The following SHC4 variants were observed in gnomAD, a reference collection of about 807,000 sequenced individuals.
The protein encoded by SHC4 is SHC adaptor protein 4.
A neutral mutation model predicts 69.4 loss-of-function variants in SHC4; 41 were observed. That is an observed-to-expected ratio of 0.59 (90% CI 0.46 to 0.77). SHC4 has a LOEUF of 0.77. Ranked by LOEUF, SHC4 falls within the 30% of genes least tolerant of loss-of-function variation. The pLI is 0.00. For synonymous variants in SHC4, 318 were observed against 299.3 expected (o/e 1.06, Z -0.64); for missense variants, 777 against 783.8 (o/e 0.99, Z 0.10).
intron 4 of SHC4, among the ~76,000 whole-genome samples, chr15:48,874,024 C>A (rs918694181): frequency 2.6e-5 from 4 of 152,020 alleles, no homozygotes; most frequent in African/African-American, 9.7e-5. Flanking sequence ...AATAAATGTG[C>A]AAGAACAGCT....
chr15:48,859,982 T>C (rs1328253520), intron 6 of SHC4, among the ~76,000 whole-genome samples: 1 of 152,010 alleles, frequency 6.6e-6, no homozygotes, highest in East Asian at 1.9e-4. Flanking sequence ...TCTAGTGTAC[T>C]GTGATCACAC....
chr15:48,847,016 C>T (rs1899106674), intron 9 of SHC4, among the ~76,000 whole-genome samples: 3 of 150,148 alleles, frequency 2.0e-5, no homozygotes, highest in Admixed American at 1.3e-4. Context: ...AGGAAACTGC[C>T]ATCCCCTTTT....
chr15:48,924,015 C>T (rs1000407140), intron 2 of SHC4, among the ~76,000 whole-genome samples: 1 of 152,034 alleles, frequency 6.6e-6, no homozygotes, highest in Non-Finnish European at 1.5e-5. Context: ...CATTTTTTGA[C>T]CACAGGATAC....
Position 48,962,629 on chromosome 15 carries a change from G to T in SHC4, c.387C>A (p.Gly129=), listed in dbSNP as rs764305228. 1 of 1,614,190 alleles carries T rather than the reference G, an allele frequency of 6.2e-7. No homozygotes were observed. The highest frequency in any genetic ancestry group is 1.7e-5 in the Admixed American group (1 of 60,022). ...LQESRDPGSS[G]PSSPETSLSR... is the part of the protein sequence containing the mutation. ...TTAAACTGGTTTCTGGGGAAGAGGG[G>T]CCGCTGGAACCTGGGTCCCGGCTTT... Residue 129 remains glycine, a synonymous_variant, in exon 1 of 12, where the codon GGC becomes GGA. Transcript: ENST00000332408.
chr15:48,832,014 TA>T (rs1378618089), intron 11 of SHC4, among the ~76,000 whole-genome samples: 1 of 152,242 alleles, frequency 6.6e-6, no homozygotes, highest in African/African-American at 2.4e-5. Flanking sequence ...CTCACGCCTA[TA>T]ATCCCAGCAC....
intron 11 of SHC4, among the ~76,000 whole-genome samples, 163 bp downstream of exon 11, chr15:48,834,606 C>A (rs561153423): frequency 1.3e-5 from 2 of 152,192 alleles, no homozygotes; most frequent in East Asian, 3.9e-4. Flanking sequence ...TACTCTAACC[C>A]CTCCACTACC....
intron 1 of SHC4, among the ~76,000 whole-genome samples, chr15:48,951,711 C>T (rs1301298913): frequency 1.3e-5 from 2 of 152,166 alleles, no homozygotes. Flanking sequence ...GGAAACTCTA[C>T]CTATTTCTTA....
Position 48,934,233 on chromosome 15 carries a change from C to G in SHC4, c.586-9284G>C, listed in dbSNP as rs1315032294. On this transcript the variant is annotated intron_variant, in intron 1 of 11. Transcript: ENST00000332408. ...AATACATTAAAAAACTCTTACAACC[C>G]AATGATAAAAAGACAAATAACCCAA... Among the ~76,000 whole-genome samples the G allele has an allele frequency of 3.3e-5, 5 of 152,106 alleles. No homozygotes were observed. The East Asian group carries it at 9.6e-4, about 29-fold the overall frequency.
At chr15:48,936,330 T>A (rs1351046177) in intron 1 of SHC4, among the ~76,000 whole-genome samples, 1 of 152,180 alleles carries the variant, frequency 6.6e-6, no homozygotes, top group African/African-American at 2.4e-5. Context: ...AATAGTAAGT[T>A]GTGTGTTCTG....
At chr15:48,940,538 A>G (rs1901155958) in intron 1 of SHC4, among the ~76,000 whole-genome samples, 1 of 151,860 alleles carries the variant, frequency 6.6e-6, no homozygotes, top group African/African-American at 2.4e-5. Context: ...ACTTTCTTCT[A>G]CTCCATTTTC....
chr15:48,827,708 G>C (rs1012743237), intron 11 of SHC4, among the ~76,000 whole-genome samples: 6 of 152,136 alleles, frequency 3.9e-5, no homozygotes, highest in Non-Finnish European at 7.4e-5. Flanking sequence ...TGAATGCCCC[G>C]TATGCTTTAG....
chr15:48,961,257 A>T (rs983818174), intron 1 of SHC4, among the ~76,000 whole-genome samples: 1 of 152,112 alleles, frequency 6.6e-6, no homozygotes, highest in African/African-American at 2.4e-5. Context: ...TGCCCTACAA[A>T]CCTAGGAGGA....
intron 9 of SHC4, among the ~76,000 whole-genome samples, chr15:48,847,049 A>G (rs1239320979): frequency 4.0e-5 from 6 of 150,826 alleles, no homozygotes; most frequent in Admixed American, 3.9e-4. Flanking sequence ...GGGCCATTAT[A>G]TTTAAGTTGG....
At position 48,962,569 on chromosome 15, in the gene SHC4, G is replaced by C; in HGVS notation, c.447C>G (p.Asp149Glu). 6.2e-7 allele frequency: 1 copy of C among 1,611,812 alleles called. No individual in the cohort carries two copies. The highest frequency in any genetic ancestry group is 8.5e-7 in the Non-Finnish European group (1 of 1,178,654). ...GGGCGGTTGCCCTGTGTCCCACCAG[G>C]TCCTGCTGCGGTGGAGGTGCAGTCC... ...RSGTAPPPQQ[D>E]LVGHRATALT... The change falls in exon 1 of 12, where the codon GAC becomes GAG. Residue 149 changes from aspartate (D) to glutamate (E), a missense_variant. By Grantham distance (45) the Asp-to-Glu change is conservative (BLOSUM62 2). Coordinates refer to ENST00000332408, the MANE Select transcript of SHC4 (RefSeq NM_203349.4).
At chr15:48,839,330 C>T (rs1375407516) in intron 10 of SHC4, among the ~76,000 whole-genome samples, 6 of 152,182 alleles carry the variant, frequency 3.9e-5, no homozygotes, top group East Asian at 1.9e-4. Context: ...GCCCCTGAAG[C>T]GAACTCTAAT....
chr15:48,960,358 G>T (rs1420909707), intron 1 of SHC4, among the ~76,000 whole-genome samples: 1 of 152,162 alleles, frequency 6.6e-6, no homozygotes, highest in Non-Finnish European at 1.5e-5. Context: ...CAAGTGCAGA[G>T]AGCCCAGGTT....
intron 2 of SHC4, among the ~76,000 whole-genome samples, chr15:48,907,188 G>A (rs1264285820): frequency 2.0e-5 from 3 of 151,472 alleles, no homozygotes; most frequent in Non-Finnish European, 4.4e-5. Flanking sequence ...CAATGATAAC[G>A]GTCATGGTGA....
intron 11 of SHC4, among the ~76,000 whole-genome samples, chr15:48,830,931 A>G (rs771286656): frequency 8.5e-5 from 13 of 152,228 alleles, no homozygotes; most frequent in Non-Finnish European, 1.8e-4. Flanking sequence ...TGCTCCTTAA[A>G]GACTGTGGAA....
intron 2 of SHC4, among the ~76,000 whole-genome samples, chr15:48,892,560 T>C (rs1286429981): frequency 2.0e-5 from 3 of 152,150 alleles, no homozygotes; most frequent in African/African-American, 7.2e-5. Flanking sequence ...ATAAGACTCA[T>C]ATTATTAATC....
Sources: allele counts gnomAD v4.1 joint callset (sites outside exome capture counted in the v4.1 genomes callset), GRCh38; gene constraint gnomAD v4.1.1; transcripts MANE v1.5; gene names NCBI Gene and HGNC (gene_info 2026-07-23, HGNC 2026-07-21).